MDGA2: variants seen among roughly 807,000 people sequenced by gnomAD.
The protein encoded by MDGA2 is MAM domain containing glycosylphosphatidylinositol anchor 2, also known as MAM domain-containing glycosylphosphatidylinositol anchor protein 2.
Under a neutral mutation model 117.8 loss-of-function variants are expected in MDGA2, and 40 were observed. That is an observed-to-expected ratio of 0.34 (90% CI 0.26 to 0.44). The LOEUF is 0.44. Ranked by LOEUF, MDGA2 falls within the 20% of genes least tolerant of loss-of-function variation. The pLI, the probability that MDGA2 is intolerant of heterozygous loss-of-function variation, is 1.00. For missense variants in MDGA2, 1,123 were observed against 1,250.6 expected (o/e 0.90, Z 1.54); for synonymous variants, 452 against 439.0 (o/e 1.03, Z -0.37).
At chr14:47,416,500 C>T (rs1892478514) in intron 1 of MDGA2, among the ~76,000 whole-genome samples, 1 of 152,088 alleles carries the variant, frequency 6.6e-6, no homozygotes, top group Non-Finnish European at 1.5e-5. Flanking sequence ...GTTGCTCTTC[C>T]AGGCTAGAAT....
intron 3 of MDGA2, among the ~76,000 whole-genome samples, chr14:47,195,508 T>C (rs1885257977): frequency 6.6e-6 from 1 of 152,076 alleles, no homozygotes; most frequent in Admixed American, 6.5e-5. Context: ...ATAATTAATA[T>C]AGGCTTATAT....
At position 47,674,685 on chromosome 14, in the gene MDGA2, C is replaced by A. The variant is rs1898144021; in HGVS notation, c.112G>T (p.Ala38Ser). Residue 38 changes from alanine (A) to serine (S), a missense_variant, in exon 1 of 17, where the codon GCC (alanine) becomes TCC (serine). Ala to Ser is a moderately conservative substitution (Grantham distance 99). Around this residue, in one of 2 missense-constraint regions of MDGA2, gnomAD observed 233 missense variants for 200.3 expected, o/e 1.16. Transcript: ENST00000399232. Reference sequence around the variant, plus strand: ...CAGGCGCGCTCCACTCGCGCCCGGGCCAAGCCGAGGTGCCCGGGAACCGCT... The same window carrying A: ...CAGGCGCGCTCCACTCGCGCCCGGGACAAGCCGAGGTGCCCGGGAACCGCT... ...RRAVPGHLGL[A>S]RARVERAWLA... 1 of 1,213,046 alleles carries A rather than the reference C, an allele frequency of 8.2e-7. No homozygotes were observed. The highest frequency in any genetic ancestry group is 1.2e-6 in the Non-Finnish European group (1 of 839,140). The allele number at this position is 1,213,046 out of a possible 1,614,324, so 75.1% of individuals were successfully genotyped here.
chr14:47,652,358 T>C (rs948721243), intron 1 of MDGA2, among the ~76,000 whole-genome samples: 14 of 152,166 alleles, frequency 9.2e-5, no homozygotes, highest in Non-Finnish European at 1.9e-4. Context: ...TATATAGACA[T>C]TATAAATTAT....
intron 1 of MDGA2, among the ~76,000 whole-genome samples, chr14:47,347,608 G>T (rs1383749380): frequency 6.6e-6 from 1 of 152,142 alleles, no homozygotes; most frequent in Non-Finnish European, 1.5e-5. Context: ...TGTTTGTTCA[G>T]ATTTCAACAT....
intron 10 of MDGA2, among the ~76,000 whole-genome samples, chr14:46,913,876 C>T (rs1883800386): frequency 1.3e-5 from 1 of 78,974 alleles, no homozygotes; most frequent in Non-Finnish European, 2.7e-5. Flanking sequence ...TACCATATAA[C>T]TAATTTAATC....
At chr14:47,166,015 T>C (rs1039371705) in intron 3 of MDGA2, among the ~76,000 whole-genome samples, 3 of 151,514 alleles carry the variant, frequency 2.0e-5, no homozygotes, top group African/African-American at 7.3e-5. Context: ...TATCCCATTT[T>C]ATAAGCAGCA....
intron 2 of MDGA2, among the ~76,000 whole-genome samples, chr14:47,278,283 A>G (rs983144770): frequency 2.0e-5 from 3 of 152,106 alleles, no homozygotes; most frequent in Non-Finnish European, 2.9e-5. Context: ...AATTTTTTTC[A>G]ATTTTATTTT....
intron 1 of MDGA2, among the ~76,000 whole-genome samples, chr14:47,595,991 A>T (rs929389326): frequency 2.6e-5 from 4 of 152,216 alleles, no homozygotes; most frequent in South Asian, 2.1e-4. Flanking sequence ...ATCATAGAAC[A>T]CAGAAAACTA....
At chr14:47,032,985 C>T (rs539991139) in intron 8 of MDGA2, among the ~76,000 whole-genome samples, 75 of 152,246 alleles carry the variant, frequency 4.9e-4, no homozygotes, top group Non-Finnish European at 7.9e-4. Flanking sequence ...TGGGAAGTCA[C>T]CTTGGGATGC....
rs148769223 is a variant in MDGA2, at chr14:47,628,163, T to G, written c.280+46354A>C. Among the ~76,000 whole-genome samples, 900 of 152,316 alleles carry G rather than the reference T, an allele frequency of 5.9e-3. 10 individuals carry two copies. The highest frequency in any genetic ancestry group is 0.021 in the African/African-American group (859 of 41,564). ...GTTCTCTTCTTCCCCACTCTTGCCA[T>G]CACTTATCTCCAGGTCTCATCTTAC... On this transcript the variant is annotated intron_variant, in intron 1 of 16. Coordinates refer to ENST00000399232, the MANE Select transcript of MDGA2 (RefSeq NM_001113498.3).
At chr14:47,475,885 T>C (rs746447057) in intron 1 of MDGA2, among the ~76,000 whole-genome samples, 2 of 152,168 alleles carry the variant, frequency 1.3e-5, no homozygotes, top group African/African-American at 4.8e-5. Flanking sequence ...ACCTAGGTGA[T>C]GGGTTGATCA....
At chr14:46,987,911 A>C (rs1274122681) in intron 8 of MDGA2, among the ~76,000 whole-genome samples, 1 of 140,256 alleles carries the variant, frequency 7.1e-6, no homozygotes, top group Non-Finnish European at 1.5e-5. Flanking sequence ...AAGTGTTGGG[A>C]CTGAATATTC....
chr14:47,307,664 G>A (rs35272217), intron 1 of MDGA2, among the ~76,000 whole-genome samples: 13,439 of 151,744 alleles, frequency 0.089, 717 homozygotes, highest in Non-Finnish European at 0.11. Flanking sequence ...CTCCAGCCTA[G>A]GTGACAGAGA....
At chr14:46,842,051 AAAG>A (rs1378419173) in intron 16 of MDGA2, 32 bp from the exon 17 acceptor site, 9 of 1,487,590 alleles carry the variant, frequency 6.1e-6, no homozygotes, top group Non-Finnish European at 8.4e-6. Flanking sequence ...GCAAACAAAA[AAAG>A]AAGAATAATA....
chr14:47,290,794 GA>G (rs11321699), intron 2 of MDGA2, among the ~76,000 whole-genome samples: 58,835 of 143,052 alleles, frequency 0.41, 12,268 homozygotes, highest in Admixed American at 0.57. Flanking sequence ...CACAAAGAAT[GA>G]AAAAAAAAAA....
At chr14:47,570,361 A>T (rs1356377569) in intron 1 of MDGA2, among the ~76,000 whole-genome samples, 1 of 152,184 alleles carries the variant, frequency 6.6e-6, no homozygotes, top group African/African-American at 2.4e-5. Context: ...CTACTATCAT[A>T]TTCAAATAAG....
rs80201904 is a variant in MDGA2, at chr14:47,289,187, T to G, written c.420+12224A>C. 1.3e-3 allele frequency among the ~76,000 whole-genome samples: 197 copies of G among 151,924 alleles called. 1 individual carries two copies. The East Asian group carries it at 0.033, about 25-fold the overall frequency. On this transcript the variant is annotated intron_variant, in intron 2 of 16. Transcript: ENST00000399232. Reference sequence around the variant, plus strand: ...GCATCTTTAATGTGCTAACCAAAAGTGAAAAGGATAAATTGTGTTCAATAG... The same window carrying G: ...GCATCTTTAATGTGCTAACCAAAAGGGAAAAGGATAAATTGTGTTCAATAG...
At chr14:47,118,821 C>A (rs575647119) in intron 5 of MDGA2, among the ~76,000 whole-genome samples, 19 of 152,278 alleles carry the variant, frequency 1.2e-4, no homozygotes, top group African/African-American at 4.6e-4. Flanking sequence ...GCAGCCTCAA[C>A]CTGGCAGGCT....
At position 46,918,914 on chromosome 14, in the gene MDGA2, A is replaced by G. The variant is rs1595044050; in HGVS notation, c.2238+1098T>C. On this transcript the variant is annotated intron_variant, in intron 10 of 16. Coordinates refer to ENST00000399232, the MANE Select transcript of MDGA2 (RefSeq NM_001113498.3). ...GTAGCTGGGACTACAGGCGCCCGTC[A>G]ACATGCCCGGCTAATTTTTTTGTAT... is the stretch of plus-strand genomic sequence containing the variant. Among the ~76,000 whole-genome samples the G allele has an allele frequency of 2.0e-5, 3 of 151,976 alleles. No homozygotes were observed. In the South Asian group the frequency reaches 6.2e-4, roughly 32 times the overall value.
Sources: gnomAD v4.1 joint callset for allele counts (sites outside exome capture counted in the v4.1 genomes callset) on GRCh38, gnomAD v4.1.1 for gene constraint, gnomAD v4.1.1 regional missense constraint, MANE v1.5 for transcripts, NCBI Gene and HGNC (gene_info 2026-07-23, HGNC 2026-07-21) for gene names.